The following TSPAN5 variants were observed in gnomAD, a reference collection of about 807,000 sequenced individuals.
TSPAN5 encodes tetraspanin 5.
TSPAN5 carries 10 observed loss-of-function variants against 37.1 expected under a neutral mutation model. The ratio of observed to expected loss-of-function variants is 0.27; its 90% CI spans 0.17 to 0.46. TSPAN5 has a LOEUF of 0.46. TSPAN5 is among the 20% of genes least tolerant of loss of function. The pLI, the probability that TSPAN5 is intolerant of heterozygous loss-of-function variation, is 1.00. For missense variants in TSPAN5, 195 were observed against 326.6 expected, an observed-to-expected ratio of 0.60 and a Z score of 3.11; for synonymous variants, 110 against 118.9, an observed-to-expected ratio of 0.93 and a Z score of 0.48.
chr4:98,484,560 G>A, intron 3 of TSPAN5: 1 of 456,196 alleles, frequency 2.2e-6, no homozygotes, highest in Non-Finnish European at 4.4e-6. Context: ...AGAGAAATGT[G>A]TAGTTTTCTG....
chr4:98,504,785 A>C (rs1342119581), intron 2 of TSPAN5, among the ~76,000 whole-genome samples: 1 of 152,188 alleles, frequency 6.6e-6, no homozygotes, highest in Non-Finnish European at 1.5e-5. Context: ...TATTCCACAC[A>C]TGTCAAATAC....
chr4:98,486,645 T>C, intron 3 of TSPAN5, 93 bp downstream of exon 3: 1 of 1,481,198 alleles, frequency 6.8e-7, no homozygotes, highest in Non-Finnish European at 9.4e-7. Context: ...GTGCCTTTGG[T>C]ACAGCTCACT....
intron 2 of TSPAN5, among the ~76,000 whole-genome samples, chr4:98,501,247 C>A (rs1007665985): frequency 6.6e-6 from 1 of 152,058 alleles, no homozygotes; most frequent in African/African-American, 2.4e-5. Flanking sequence ...CTTCAGAAAC[C>A]ACACGTATTT....
At chr4:98,581,401 A>C (rs1755366664) in intron 1 of TSPAN5, among the ~76,000 whole-genome samples, 1 of 152,144 alleles carries the variant, frequency 6.6e-6, no homozygotes, top group Non-Finnish European at 1.5e-5. Context: ...AAAATGTATA[A>C]TTAGAGTCAG....
At chr4:98,590,645 G>A (rs1449888277) in intron 1 of TSPAN5, among the ~76,000 whole-genome samples, 1 of 151,886 alleles carries the variant, frequency 6.6e-6, no homozygotes. Context: ...GGGAGGCAGA[G>A]GTTGCAGTGA....
chr4:98,550,133 T>C (rs1484315726), intron 1 of TSPAN5, among the ~76,000 whole-genome samples: 1 of 152,210 alleles, frequency 6.6e-6, no homozygotes, highest in Non-Finnish European at 1.5e-5. Flanking sequence ...GCACCATTTA[T>C]TGAATAGGGT....
chr4:98,524,021 T>C (rs1753909947), intron 1 of TSPAN5, among the ~76,000 whole-genome samples: 1 of 152,184 alleles, frequency 6.6e-6, no homozygotes, highest in African/African-American at 2.4e-5. Context: ...AGGCACTCAA[T>C]AAACACACTA....
At chr4:98,515,695 C>T (rs1053909258) in intron 1 of TSPAN5, among the ~76,000 whole-genome samples, 1 of 152,130 alleles carries the variant, frequency 6.6e-6, no homozygotes, top group African/African-American at 2.4e-5. Flanking sequence ...CATGTGCTCA[C>T]AGGAAGTGGC....
intron 2 of TSPAN5, among the ~76,000 whole-genome samples, chr4:98,499,722 G>A (rs557017682): frequency 4.9e-4 from 71 of 145,794 alleles, no homozygotes; most frequent in African/African-American, 1.7e-3. Flanking sequence ...GTGCAGTGGC[G>A]TGATCTGGGC....
intron 1 of TSPAN5, among the ~76,000 whole-genome samples, chr4:98,527,753 G>A (rs1753991611): frequency 6.6e-6 from 1 of 152,154 alleles, no homozygotes; most frequent in Non-Finnish European, 1.5e-5. Context: ...AGTGCACAGG[G>A]CTCCCTGGAA....
intron 1 of TSPAN5, among the ~76,000 whole-genome samples, chr4:98,585,383 T>C (rs1755465479): frequency 6.6e-6 from 1 of 152,056 alleles, no homozygotes; most frequent in Non-Finnish European, 1.5e-5. Flanking sequence ...AATCTTGGCT[T>C]ACTGCGACCT....
At chr4:98,619,566 C>T (rs1756431792) in intron 1 of TSPAN5, among the ~76,000 whole-genome samples, 1 of 152,064 alleles carries the variant, frequency 6.6e-6, no homozygotes, top group Admixed American at 6.6e-5. Context: ...TAGCTGCTGG[C>T]AATACTGTAG....
intron 2 of TSPAN5, among the ~76,000 whole-genome samples, chr4:98,488,061 C>A (rs981778829): frequency 6.6e-6 from 1 of 152,156 alleles, no homozygotes; most frequent in African/African-American, 2.4e-5. Context: ...AAATTGTTTT[C>A]AAAGCACTCC....
intron 4 of TSPAN5, among the ~76,000 whole-genome samples, chr4:98,480,183 A>C (rs930725673): frequency 6.6e-6 from 1 of 152,216 alleles, no homozygotes; most frequent in Non-Finnish European, 1.5e-5. Flanking sequence ...GGTATAACTG[A>C]CATACAATAA....
At chr4:98,564,921 A>T (rs1474088403) in intron 1 of TSPAN5, among the ~76,000 whole-genome samples, 1 of 152,170 alleles carries the variant, frequency 6.6e-6, no homozygotes, top group South Asian at 2.1e-4. Flanking sequence ...AAGAGACAGG[A>T]TATCACCATC....
intron 3 of TSPAN5, chr4:98,484,802 A>C: frequency 3.9e-6 from 1 of 259,182 alleles, no homozygotes; most frequent in Admixed American, 4.9e-5. Flanking sequence ...TCTTTACTTA[A>C]AAAAAAAAAA....
chr4:98,533,939 T>TAAAAAAAAAAAAAAAAAACAA (rs1754165861), intron 1 of TSPAN5, among the ~76,000 whole-genome samples: 1 of 31,148 alleles, frequency 3.2e-5, no homozygotes, highest in Non-Finnish European at 5.0e-5. Context: ...TTGTTGATCT[T>TAAAAAAAAAAAAAAAAAACAA]AAAAAAAAAA....
intron 1 of TSPAN5, among the ~76,000 whole-genome samples, chr4:98,545,876 A>C (rs1479739548): frequency 6.6e-6 from 1 of 152,226 alleles, no homozygotes; most frequent in African/African-American, 2.4e-5. Flanking sequence ...CAAAGGGCAG[A>C]AGGAAAATGT....
At chr4:98,620,618 G>A (rs945771957) in intron 1 of TSPAN5, among the ~76,000 whole-genome samples, 12 of 152,266 alleles carry the variant, frequency 7.9e-5, no homozygotes, top group African/African-American at 1.4e-4. Context: ...TCATGCGAGC[G>A]CTCTCCATGA....
Sources: allele counts gnomAD v4.1 joint callset (sites outside exome capture counted in the v4.1 genomes callset), GRCh38; gene constraint gnomAD v4.1.1; transcripts MANE v1.5; gene names NCBI Gene and HGNC (gene_info 2026-07-23, HGNC 2026-07-21).